The following DOCK3 variants were observed in gnomAD, a reference collection of about 807,000 sequenced individuals.
DOCK3 encodes dedicator of cytokinesis protein 3.
A neutral mutation model predicts 265.6 loss-of-function variants in DOCK3; 60 were observed. The observed-to-expected ratio is 0.23, with a 90% confidence interval of 0.18 to 0.28. The LOEUF (loss-of-function observed/expected upper bound fraction) is 0.28. Among genes scored for constraint, DOCK3 ranks in the 10% least tolerant of loss-of-function variants. The probability of loss-of-function intolerance (pLI) is 1.00; values close to 1 mark genes in which losing one functional copy is unlikely to be tolerated. For synonymous variants in DOCK3, 881 were observed against 938.0 expected, an observed-to-expected ratio of 0.94 and a Z score of 1.11; for missense variants, 1,981 against 2,594.3, an observed-to-expected ratio of 0.76 and a Z score of 5.14.
chr3:50,891,629 C>T (rs1397892932), intron 4 of DOCK3, among the ~76,000 whole-genome samples: 1 of 148,924 alleles, frequency 6.7e-6, no homozygotes, highest in African/African-American at 2.5e-5. Flanking sequence ...AAAACATTTT[C>T]TGAATGTGAA....
intron 27 of DOCK3, among the ~76,000 whole-genome samples, chr3:51,285,898 GCACTCCA>G (rs562374331): frequency 2.0e-5 from 3 of 152,130 alleles, no homozygotes; most frequent in Non-Finnish European, 4.4e-5. Flanking sequence ...TCACGCCATT[GCACTCCA>G]GCCCAGGCAA....
chr3:51,115,760 G>A (rs1314951643), intron 9 of DOCK3, among the ~76,000 whole-genome samples: 6 of 152,012 alleles, frequency 3.9e-5, no homozygotes. Context: ...TTTCTTCTAG[G>A]GTTTTTATGG....
chr3:51,232,158 G>C (rs1297970799), intron 19 of DOCK3, among the ~76,000 whole-genome samples: 1 of 151,658 alleles, frequency 6.6e-6, no homozygotes, highest in Non-Finnish European at 1.5e-5. Flanking sequence ...ATAGTTATTG[G>C]GATACAGGTG....
chr3:51,148,703 C>T (rs1241136080), intron 10 of DOCK3, among the ~76,000 whole-genome samples: 2 of 152,042 alleles, frequency 1.3e-5, no homozygotes, highest in East Asian at 1.9e-4. Context: ...TTGGTCTATA[C>T]CTCTGTTTTG....
At chr3:51,072,299 C>G (rs188912209) in intron 6 of DOCK3, among the ~76,000 whole-genome samples, 1 of 152,286 alleles carries the variant, frequency 6.6e-6, no homozygotes, top group African/African-American at 2.4e-5. Context: ...ATGCCAGTCT[C>G]CACACATGGC....
chr3:51,236,445 A>T lies in DOCK3; in HGVS notation c.2001+17A>T. On this transcript the variant is annotated intron_variant, in intron 20 of 52. Transcript: ENST00000266037. ...CAGTCTCTGGTAAGTCACCTTCCTGACTCTTTACTTTTATTAATTATTCCT... is the reference window on the plus strand; with the variant it reads ...CAGTCTCTGGTAAGTCACCTTCCTGTCTCTTTACTTTTATTAATTATTCCT... 1 of 1,592,114 alleles carries T rather than the reference A, an allele frequency of 6.3e-7. No individual in the cohort carries two copies. The highest frequency in any genetic ancestry group is 8.6e-7 in the Non-Finnish European group (1 of 1,169,138).
chr3:50,857,904 T>G (rs748410651), intron 3 of DOCK3, among the ~76,000 whole-genome samples: 1 of 152,206 alleles, frequency 6.6e-6, no homozygotes, highest in Non-Finnish European at 1.5e-5. Context: ...GAAATACCAT[T>G]TGATCCAGTA....
chr3:51,293,918 A>G (rs2081928853), intron 27 of DOCK3, among the ~76,000 whole-genome samples: 1 of 152,258 alleles, frequency 6.6e-6, no homozygotes, highest in Admixed American at 6.5e-5. Context: ...CACATTTGTT[A>G]GATAAGCTAT....
At chr3:51,197,388 A>G (rs200121849) in intron 12 of DOCK3, among the ~76,000 whole-genome samples, 2 of 152,228 alleles carry the variant, frequency 1.3e-5, no homozygotes, top group East Asian at 3.9e-4. Flanking sequence ...ACATGGCATG[A>G]GTGATAGCAG....
At chr3:50,850,169 TC>T (rs2107369686) in intron 3 of DOCK3, among the ~76,000 whole-genome samples, 1 of 151,628 alleles carries the variant, frequency 6.6e-6, no homozygotes, top group African/African-American at 2.4e-5. Context: ...TCACCTGAGC[TC>T]AGGAGTTTGA....
chr3:50,778,051 A>C (rs1346933645), intron 1 of DOCK3, among the ~76,000 whole-genome samples: 1 of 152,100 alleles, frequency 6.6e-6, no homozygotes, highest in Non-Finnish European at 1.5e-5. Flanking sequence ...TGGGTTTGTC[A>C]TATATAGCTT....
intron 5 of DOCK3, among the ~76,000 whole-genome samples, chr3:50,966,842 A>G (rs1391052505): frequency 6.6e-6 from 1 of 152,134 alleles, no homozygotes. Context: ...CAGGTTGGAA[A>G]CAACACAACA....
At chr3:50,903,352 T>G (rs1195383455) in intron 4 of DOCK3, among the ~76,000 whole-genome samples, 6 of 152,188 alleles carry the variant, frequency 3.9e-5, no homozygotes, top group Non-Finnish European at 5.9e-5. Flanking sequence ...CAATACCTAG[T>G]TTATTGAGAG....
intron 19 of DOCK3, among the ~76,000 whole-genome samples, chr3:51,235,609 C>T (rs1395183770): frequency 3.3e-5 from 5 of 152,176 alleles, no homozygotes; most frequent in Non-Finnish European, 5.9e-5. Context: ...CCCCTATCTA[C>T]ACCTTCTACC....
At chr3:51,230,136 T>C (rs905786977) in intron 19 of DOCK3, among the ~76,000 whole-genome samples, 1 of 152,192 alleles carries the variant, frequency 6.6e-6, no homozygotes, top group African/African-American at 2.4e-5. Flanking sequence ...TTTCAGCTTT[T>C]ATTTTAGATT....
intron 9 of DOCK3, among the ~76,000 whole-genome samples, chr3:51,120,788 G>A (rs2083977959): frequency 6.6e-6 from 1 of 152,152 alleles, no homozygotes; most frequent in Non-Finnish European, 1.5e-5. Flanking sequence ...ACCTACTCAA[G>A]CCTCAGTAAT....
At chr3:50,925,610 C>T (rs1321168553) in intron 4 of DOCK3, among the ~76,000 whole-genome samples, 1 of 151,898 alleles carries the variant, frequency 6.6e-6, no homozygotes, top group South Asian at 2.1e-4. Context: ...GGCATACACA[C>T]AGACAGGGTA....
rs537585072 is a variant in DOCK3, at chr3:51,359,385, C to A, written c.4885-1126C>A. Among the ~76,000 whole-genome samples the A allele has an allele frequency of 3.3e-5, 5 of 152,348 alleles. No homozygotes were observed. In the East Asian group the frequency reaches 5.8e-4, roughly 18 times the overall value. On this transcript the variant is annotated intron_variant, in intron 46 of 52. Transcript: ENST00000266037. This position sits in a 1 kb window ranked among gnomAD's most constrained non-coding sequence, Gnocchi z 4.8. ...CCTGGAGATCCTGAAATTTCTCCCT[C>A]TGTTAGGATTCTCCCATGGTATTTC... is the stretch of plus-strand genomic sequence containing the variant.
intron 9 of DOCK3, among the ~76,000 whole-genome samples, chr3:51,091,813 A>C (rs2082649971): frequency 6.6e-6 from 1 of 152,140 alleles, no homozygotes; most frequent in African/African-American, 2.4e-5. Context: ...TACCCGGTTC[A>C]TCTCACTGGG....
Sources: allele counts gnomAD v4.1 joint callset (sites outside exome capture counted in the v4.1 genomes callset), GRCh38; gene constraint gnomAD v4.1.1; non-coding constraint Gnocchi (gnomAD v3.1); transcripts MANE v1.5; gene names NCBI Gene and HGNC (gene_info 2026-07-23, HGNC 2026-07-21).